ZNF652: variants seen among roughly 807,000 people sequenced by gnomAD.
ZNF652 encodes zinc finger protein 652.
ZNF652 carries 16 observed loss-of-function variants against 45.2 expected under a neutral mutation model. The ratio of observed to expected loss-of-function variants is 0.35; its 90% CI spans 0.24 to 0.54. The LOEUF is 0.54. Ranked by LOEUF, ZNF652 falls within the 20% of genes least tolerant of loss-of-function variation. The pLI is 0.91. For missense variants in ZNF652, 614 were observed against 765.6 expected (o/e 0.80, Z 2.34); for synonymous variants, 250 against 260.6 (o/e 0.96, Z 0.39).
At chr17:49,323,388 G>T (rs979529405) in intron 1 of ZNF652, among the ~76,000 whole-genome samples, 1 of 152,186 alleles carries the variant, frequency 6.6e-6, no homozygotes, top group Non-Finnish European at 1.5e-5. Context: ...CACCACATCT[G>T]CAGTGACTTC....
chr17:49,337,974 A>G (rs1296634946), intron 1 of ZNF652, among the ~76,000 whole-genome samples: 1 of 152,122 alleles, frequency 6.6e-6, no homozygotes, highest in African/African-American at 2.4e-5. Context: ...AAAATAAGTC[A>G]TGATTGCCAA....
At chr17:49,353,037 TGTG>T (rs759886474) in intron 1 of ZNF652, among the ~76,000 whole-genome samples, 3 of 152,148 alleles carry the variant, frequency 2.0e-5, no homozygotes, top group Middle Eastern at 3.4e-3. Flanking sequence ...GTGTCCTGGC[TGTG>T]GTGGTGGTGG....
Position 49,361,897 on chromosome 17 carries a change from G to A in ZNF652, c.-259+12C>T, listed in dbSNP as rs2070401102. 2 of 150,878 alleles carry A rather than the reference G, an allele frequency of 1.3e-5. No homozygotes were observed. Among genetic ancestry groups the A allele is most frequent in the East Asian group, 1.9e-4 (1 of 5,134 alleles). 9.3% of individuals were successfully genotyped at this position (150,878 alleles called of 1,614,324 possible). On this transcript the variant is annotated intron_variant, in intron 1 of 5. Coordinates refer to ENST00000430262, the MANE Select transcript of ZNF652 (RefSeq NM_001145365.3). ...CGGTGGCGAGTGCGTGGGGGAAGGG[G>A]CCCTTACTCACCCGGGCCGGCCGCC...
intron 5 of ZNF652, among the ~76,000 whole-genome samples, chr17:49,299,330 G>C (rs999950671): frequency 3.3e-5 from 5 of 152,200 alleles, no homozygotes; most frequent in African/African-American, 1.2e-4. Flanking sequence ...AAATATCCTA[G>C]ATGACTCTTT....
chr17:49,315,293 G>A (rs2069785874), intron 2 of ZNF652, among the ~76,000 whole-genome samples: 1 of 148,702 alleles, frequency 6.7e-6, no homozygotes. Flanking sequence ...CACCTGCCTT[G>A]GCCTCCCAAA....
chr17:49,354,989 G>C (rs1156959766), intron 1 of ZNF652, among the ~76,000 whole-genome samples: 1 of 152,124 alleles, frequency 6.6e-6, no homozygotes, highest in Non-Finnish European at 1.5e-5. Flanking sequence ...GCCTCCCAAA[G>C]TGCTGGGATT....
Position 49,298,372 on chromosome 17 carries a change from T to TG in ZNF652, c.*40dup. On this transcript the variant is annotated 3_prime_UTR_variant, in exon 6 of 6. Coordinates refer to ENST00000430262, the MANE Select transcript of ZNF652 (RefSeq NM_001145365.3). The stretch of plus-strand genomic sequence containing the variant: ...GACTCCCTCTGTGCACGCTCACACA[T>TG]GGGGACGTGTCTCCTGGAGAACACA... The TG allele has an allele frequency of 6.2e-7, 1 of 1,609,824 alleles. No individual in the cohort carries two copies. The highest frequency in any genetic ancestry group is 1.1e-5 in the South Asian group (1 of 90,648).
At chr17:49,316,508 A>C (rs1477668744) in intron 2 of ZNF652, among the ~76,000 whole-genome samples, 1 of 152,202 alleles carries the variant, frequency 6.6e-6, no homozygotes, top group Non-Finnish European at 1.5e-5. Context: ...AGAAGATGCC[A>C]GAATGAATTC....
intron 1 of ZNF652, among the ~76,000 whole-genome samples, chr17:49,328,024 C>T (rs1044916690): frequency 1.3e-5 from 2 of 151,744 alleles, no homozygotes; most frequent in African/African-American, 4.8e-5. Flanking sequence ...GAGTCATGAC[C>T]TTGGGTAAGT....
intron 5 of ZNF652, among the ~76,000 whole-genome samples, chr17:49,307,531 G>C (rs916745184): frequency 1.8e-4 from 26 of 148,422 alleles, no homozygotes; most frequent in African/African-American, 6.5e-4. Flanking sequence ...CATGAGGTCA[G>C]GAGTTCAAGA....
At position 49,312,443 on chromosome 17, in the gene ZNF652, G is replaced by A. The variant is rs183990171; in HGVS notation, c.1048+255C>T. Among the ~76,000 whole-genome samples, 376 of 152,234 alleles carry A rather than the reference G, an allele frequency of 2.5e-3. 2 individuals carry two copies. The highest frequency in any genetic ancestry group is 4.7e-3 in the Non-Finnish European group (322 of 68,016). On this transcript the variant is annotated intron_variant, in intron 3 of 5. Transcript: ENST00000430262. ...AGCCTCCCAAAGTGCTGGGATTACAGGTGTGAGCCACCACACCTGGCCTTT... is the reference window on the plus strand; with the variant it reads ...AGCCTCCCAAAGTGCTGGGATTACAAGTGTGAGCCACCACACCTGGCCTTT...
intron 1 of ZNF652, among the ~76,000 whole-genome samples, chr17:49,360,062 A>G (rs2143156880): frequency 6.6e-6 from 1 of 152,316 alleles, no homozygotes; most frequent in East Asian, 1.9e-4. Flanking sequence ...TCAAGTCTAA[A>G]CAAATTATTT....
At position 49,317,295 on chromosome 17, in the gene ZNF652, G is replaced by A; in HGVS notation, c.431C>T (p.Thr144Ile). ...CTCACTGCTTGTCTTAAGAACAGGAGTCTCTTTGGACTGAGAAGAGACACC... is the reference window on the plus strand; with the variant it reads ...CTCACTGCTTGTCTTAAGAACAGGAATCTCTTTGGACTGAGAAGAGACACC... ...EKGVSSQSKE[T>I]PVLKTSSEEE... The change falls in exon 2 of 6, where the codon ACT becomes ATT. Residue 144 changes from threonine to isoleucine, a missense_variant. Thr to Ile is a moderately conservative substitution (Grantham distance 89). Coordinates refer to ENST00000430262, the MANE Select transcript of ZNF652 (RefSeq NM_001145365.3). 6.2e-7 allele frequency: 1 copy of A among 1,612,834 alleles called. No homozygotes were observed.
intron 1 of ZNF652, among the ~76,000 whole-genome samples, chr17:49,333,045 AAAT>A (rs2070040804): frequency 6.6e-6 from 1 of 151,942 alleles, no homozygotes; most frequent in East Asian, 1.9e-4. Context: ...TGTCTGAAAA[AAAT>A]AATAAAATAA....
At chr17:49,344,667 C>T (rs1053976904) in intron 1 of ZNF652, among the ~76,000 whole-genome samples, 12 of 151,792 alleles carry the variant, frequency 7.9e-5, no homozygotes, top group African/African-American at 2.4e-4. Context: ...ACTACAGGCG[C>T]ACGCCACCAT....
Position 49,334,269 on chromosome 17 carries a change from C to T in ZNF652, c.-258-16286G>A, listed in dbSNP as rs184478980. 4.4e-3 allele frequency among the ~76,000 whole-genome samples: 664 copies of T among 152,008 alleles called. 5 individuals carry two copies. The highest frequency in any genetic ancestry group is 0.015 in the African/African-American group (641 of 41,446). On this transcript the variant is annotated intron_variant, in intron 1 of 5. Transcript: ENST00000430262. Reference sequence around the variant, plus strand: ...GCTGTGGTGGGATGATCACTTGAGCCCAGGAGTTTGCAACCAGCCTGGTCA... The same window carrying T: ...GCTGTGGTGGGATGATCACTTGAGCTCAGGAGTTTGCAACCAGCCTGGTCA...
At chr17:49,305,979 C>T (rs768710520) in intron 5 of ZNF652, among the ~76,000 whole-genome samples, 8 of 152,196 alleles carry the variant, frequency 5.3e-5, no homozygotes, top group Admixed American at 1.3e-4. Flanking sequence ...GAGACCTATC[C>T]GCATCCCCTT....
chr17:49,307,531 G>A (rs916745184), intron 5 of ZNF652, among the ~76,000 whole-genome samples: 3 of 148,422 alleles, frequency 2.0e-5, no homozygotes, highest in Admixed American at 6.8e-5. Context: ...CATGAGGTCA[G>A]GAGTTCAAGA....
At chr17:49,314,171 A>AT (rs553039460) in intron 2 of ZNF652, among the ~76,000 whole-genome samples, 5 of 150,810 alleles carry the variant, frequency 3.3e-5, no homozygotes, top group Admixed American at 6.6e-5. Flanking sequence ...AATCATTATT[A>AT]TTTTTTTTGA....
Sources: gnomAD v4.1 joint callset for allele counts (sites outside exome capture counted in the v4.1 genomes callset) on GRCh38, gnomAD v4.1.1 for gene constraint, MANE v1.5 for transcripts, NCBI Gene and HGNC (gene_info 2026-07-23, HGNC 2026-07-21) for gene names.